Variants in PPARG observed in about 807,000 individuals in gnomAD.
PPARG encodes the protein peroxisome proliferator activated receptor gamma.
In PPARG, 17 loss-of-function variants were observed where a neutral mutation model predicts 39.2. That is an observed-to-expected ratio of 0.43 (90% confidence interval 0.30 to 0.65). The LOEUF (loss-of-function observed/expected upper bound fraction) is 0.65, where lower values mean the gene tolerates loss of function less well. Among genes scored for constraint, PPARG ranks in the 30% least tolerant of loss-of-function variants. PPARG has a pLI of 0.13. For synonymous variants in PPARG, 223 were observed against 215.7 expected (o/e 1.03, Z -0.30); for missense variants, 406 against 585.9 (o/e 0.69, Z 3.17).
intron 1 of PPARG, chr3:12,297,976 T>C (rs890484472): frequency 6.6e-6 from 1 of 152,036 alleles, no homozygotes; most frequent in Non-Finnish European, 1.5e-5. Flanking sequence ...TATGAGCCCT[T>C]CATATAATTT....
At chr3:12,288,189 C>G (rs1161706245), upstream of PPARG, among the ~76,000 whole-genome samples, 1 of 151,654 alleles carries the variant, frequency 6.6e-6, no homozygotes, top group African/African-American at 2.4e-5. Context: ...GGGGTCTCGG[C>G]TGAGGGGTCC....
At chr3:12,369,483 C>T (rs1454057227) in intron 2 of PPARG, among the ~76,000 whole-genome samples, 6 of 151,984 alleles carry the variant, frequency 3.9e-5, no homozygotes, top group Admixed American at 3.9e-4. Context: ...CAGAGAGAGA[C>T]CTTGTCTCAA....
Position 12,301,377 on chromosome 3 carries a change from C to T in PPARG, c.-82-11003C>T, listed in dbSNP as rs566539816. 50 of 152,312 alleles carry T rather than the reference C, an allele frequency of 3.3e-4. 1 individual carries two copies. The East Asian group carries it at 6.4e-3, about 19-fold the overall frequency. The allele number at this position is 152,312 out of a possible 1,614,324, so 9.4% of individuals were successfully genotyped here. A position where few individuals can be genotyped will look rare whatever the true frequency, so the allele number is the denominator to read the frequency against. ...AAATAAAACTGGTTCTCTTCTTAAA[C>T]TTCGTTACATATTAGATAAAACACT... On this transcript the variant is annotated intron_variant, in intron 1 of 7. Coordinates refer to ENST00000651735, the MANE Select transcript of PPARG (RefSeq NM_138711.6).
At chr3:12,317,261 T>C (rs909003075) in intron 2 of PPARG, among the ~76,000 whole-genome samples, 1 of 152,218 alleles carries the variant, frequency 6.6e-6, no homozygotes, top group Non-Finnish European at 1.5e-5. Context: ...AAATTACTTT[T>C]GCTTTTGAAT....
intron 7 of PPARG, among the ~76,000 whole-genome samples, chr3:12,420,987 G>T (rs1340630034): frequency 6.6e-6 from 1 of 152,128 alleles, no homozygotes; most frequent in East Asian, 1.9e-4. Context: ...TTCAGGACTT[G>T]GTACCTTTTT....
At chr3:12,380,077 A>G in intron 3 of PPARG, 146 bp downstream of exon 3, 1 of 837,348 alleles carries the variant, frequency 1.2e-6, no homozygotes, top group East Asian at 2.7e-5. Flanking sequence ...TTATCCATGA[A>G]ATATTAGGTA....
chr3:12,293,008 G>C (rs2046686821), intron 1 of PPARG, among the ~76,000 whole-genome samples: 1 of 152,338 alleles, frequency 6.6e-6, no homozygotes, highest in African/African-American at 2.4e-5. Context: ...GAGTGTCCCT[G>C]TCCGGGAGTG....
chr3:12,420,970 A>G (rs890056504), intron 7 of PPARG, among the ~76,000 whole-genome samples: 4 of 152,174 alleles, frequency 2.6e-5, no homozygotes, highest in African/African-American at 9.7e-5. Flanking sequence ...CTATTCTAGA[A>G]CCAAAGTTCA....
intron 4 of PPARG, among the ~76,000 whole-genome samples, chr3:12,383,702 A>G (rs1334159995): frequency 2.6e-5 from 4 of 152,160 alleles, no homozygotes; most frequent in South Asian, 2.1e-4. Flanking sequence ...CCATAATCCT[A>G]TTAGTCACAA....
intron 2 of PPARG, among the ~76,000 whole-genome samples, chr3:12,331,693 A>G (rs2047864714): frequency 6.6e-6 from 1 of 152,232 alleles, no homozygotes; most frequent in African/African-American, 2.4e-5. Flanking sequence ...AGACTGAAGC[A>G]TGTGGCTGAA....
chr3:12,416,314 G>A (rs2125282763), intron 6 of PPARG, among the ~76,000 whole-genome samples: 1 of 152,334 alleles, frequency 6.6e-6, no homozygotes, highest in Non-Finnish European at 1.5e-5. Flanking sequence ...GGGAGGTGGA[G>A]GTTGCAGTGA....
chr3:12,323,761 A>T (rs1435781285), intron 2 of PPARG, among the ~76,000 whole-genome samples: 9 of 136,698 alleles, frequency 6.6e-5, no homozygotes, highest in Admixed American at 6.3e-4. Flanking sequence ...CAAGAAGAAT[A>T]AAAAAAAAAA....
chr3:12,353,496 G>A (rs1406727542), intron 2 of PPARG, among the ~76,000 whole-genome samples: 1 of 152,198 alleles, frequency 6.6e-6, no homozygotes, highest in Non-Finnish European at 1.5e-5. Flanking sequence ...ACACTGTGGA[G>A]TTGAGGTATT....
At chr3:12,340,070 A>AT (rs1272492994) in intron 2 of PPARG, among the ~76,000 whole-genome samples, 2 of 152,194 alleles carry the variant, frequency 1.3e-5, no homozygotes, top group African/African-American at 4.8e-5. Context: ...TCCCATAGAT[A>AT]ACAATATACT....
intron 2 of PPARG, among the ~76,000 whole-genome samples, chr3:12,366,468 T>C (rs1343952676): frequency 6.6e-6 from 1 of 152,138 alleles, no homozygotes; most frequent in Non-Finnish European, 1.5e-5. Context: ...AGCTAAGACT[T>C]CTAGTATGAT....
At chr3:12,387,516 C>G (rs1159019827) in intron 4 of PPARG, among the ~76,000 whole-genome samples, 1 of 152,146 alleles carries the variant, frequency 6.6e-6, no homozygotes, top group African/African-American at 2.4e-5. Context: ...GCATAAATGT[C>G]TTCTTTTGAG....
rs549579646 is a variant in PPARG, at chr3:12,381,420, A to G, written c.319A>G (p.Ile107Val). The change falls in exon 4 of 8, where the codon ATT becomes GTT. Residue 107 changes from isoleucine (I) to valine (V), a missense_variant. Ile to Val is a conservative substitution (Grantham distance 29). Around this residue, in one of 2 missense-constraint regions of PPARG, gnomAD observed 131 missense variants for 127.9 expected, o/e 1.02. Coordinates refer to ENST00000651735, the MANE Select transcript of PPARG (RefSeq NM_138711.6). ...HEEPSNSLMA[I>V]ECRVCGDKAS... Reference sequence around the variant, plus strand: ...AGAGCCTTCCAACTCCCTCATGGCAATTGAATGTCGTGTCTGTGGAGATAA... The same window carrying G: ...AGAGCCTTCCAACTCCCTCATGGCAGTTGAATGTCGTGTCTGTGGAGATAA... 7.4e-6 allele frequency: 12 copies of G among 1,613,634 alleles called. No individual in the cohort carries two copies. In the Admixed American group the frequency reaches 2.0e-4, roughly 27 times the overall value.
intron 2 of PPARG, among the ~76,000 whole-genome samples, chr3:12,371,662 A>G (rs1048147420): frequency 6.6e-6 from 1 of 152,204 alleles, no homozygotes; most frequent in African/African-American, 2.4e-5. Flanking sequence ...TCCCATTTTC[A>G]GCATATTTAC....
intron 5 of PPARG, among the ~76,000 whole-genome samples, chr3:12,401,318 G>C (rs1387292733): frequency 6.6e-6 from 1 of 152,122 alleles, no homozygotes; most frequent in Admixed American, 6.5e-5. Context: ...GCAGACAGAT[G>C]GACACATAGA....
Sources: gnomAD v4.1 joint callset for allele counts (sites outside exome capture counted in the v4.1 genomes callset) on GRCh38, gnomAD v4.1.1 for gene constraint, gnomAD v4.1.1 regional missense constraint, MANE v1.5 for transcripts, NCBI Gene and HGNC (gene_info 2026-07-23, HGNC 2026-07-21) for gene names.